Variants in GAS2L3 observed in about 807,000 individuals in gnomAD.
The protein encoded by GAS2L3 is growth arrest specific 2 like 3.
In GAS2L3, 28 loss-of-function variants were observed where a neutral mutation model predicts 37.0. That is an observed-to-expected ratio of 0.76 (90% CI 0.56 to 1.04). The LOEUF (loss-of-function observed/expected upper bound fraction) is 1.04. Ranked by LOEUF, GAS2L3 falls within the 50% of genes least tolerant of loss-of-function variation. The pLI, the probability that GAS2L3 is intolerant of heterozygous loss-of-function variation, is 0.00. For synonymous variants in GAS2L3, 290 were observed against 296.6 expected, an observed-to-expected ratio of 0.98 and a Z score of 0.23; for missense variants, 793 against 817.6, an observed-to-expected ratio of 0.97 and a Z score of 0.37.
In GAS2L3 at chr12:100,623,678, A is replaced by C; in HGVS notation, c.873A>C (p.Lys291Asn). The C allele has an allele frequency of 1.2e-6, 2 of 1,614,086 alleles. No homozygotes were observed. Residue 291 changes from lysine to asparagine, a missense_variant, in exon 10 of 10, where the codon AAA becomes AAC. Lys to Asn is a moderately conservative substitution (Grantham distance 94, BLOSUM62 0). Coordinates refer to ENST00000547754, the MANE Select transcript of GAS2L3 (RefSeq NM_174942.3). The part of the protein sequence containing the change: ...RILQFATLEQ[K>N]ILAFQKGVSN... ...TACAGTTTGCCACATTAGAACAAAA[A>C]ATTTTAGCATTTCAAAAAGGAGTTT...
intron 5 of GAS2L3, among the ~76,000 whole-genome samples, chr12:100,608,656 G>C (rs1168320072): frequency 6.6e-6 from 1 of 152,052 alleles, no homozygotes; most frequent in East Asian, 1.9e-4. Context: ...CTAGTAGCTG[G>C]GACTACAGGC....
In GAS2L3 at chr12:100,624,202, C is replaced by T; in HGVS notation, c.1397C>T (p.Ser466Leu). The change falls in exon 10 of 10, where the codon TCA becomes TTA. Residue 466 changes from serine to leucine, a missense_variant. Physicochemically the swap from Ser to Leu is moderately radical, Grantham distance 145 (BLOSUM62 -2). Transcript: ENST00000547754. The stretch of plus-strand genomic sequence containing the variant: ...TCCACACTTTTGCCAAATAAGTGTT[C>T]AGGAAAAACTCAACCTAAGTATTTG... Reference protein sequence around the residue: ...PESTLLPNKCSGKTQPKYLKH... With the variant: ...PESTLLPNKCLGKTQPKYLKH... 1 of 1,613,906 alleles carries T rather than the reference C, an allele frequency of 6.2e-7. No individual in the cohort carries two copies. The highest frequency in any genetic ancestry group is 8.5e-7 in the Non-Finnish European group (1 of 1,179,986).
chr12:100,580,231 G>C (rs1176007464), intron 1 of GAS2L3: 1 of 609,896 alleles, frequency 1.6e-6, no homozygotes, highest in East Asian at 2.6e-5. Flanking sequence ...TTAAACATTT[G>C]TAATAGTTGT....
intron 5 of GAS2L3, among the ~76,000 whole-genome samples, chr12:100,603,478 T>C (rs1956018110): frequency 6.6e-6 from 1 of 152,202 alleles, no homozygotes; most frequent in African/African-American, 2.4e-5. Flanking sequence ...CATTTTTAAA[T>C]TGGATTATTA....
chr12:100,607,399 G>A (rs1377219715), intron 5 of GAS2L3, among the ~76,000 whole-genome samples: 1 of 152,076 alleles, frequency 6.6e-6, no homozygotes, highest in Admixed American at 6.5e-5. Flanking sequence ...TCTTGAGGTA[G>A]TGTTCTTTGG....
Position 100,600,439 on chromosome 12 carries a change from G to A in GAS2L3, c.76G>A (p.Gly26Arg), listed in dbSNP as rs745960580. Residue 26 changes from glycine to arginine, a missense_variant, in exon 4 of 10, where the codon GGA becomes AGA. Physicochemically the swap from Gly to Arg is moderately radical, Grantham distance 125. Transcript: ENST00000547754. ...SPRSPLTPRH[G>R]PGLANVCQYD... ...TCGGAGTCCTCTGACTCCCAGACAC[G>A]GACCAGGATTGGCTAATGTTTGTCA... is the stretch of plus-strand genomic sequence containing the variant. 95 of 1,612,094 alleles carry A rather than the reference G, an allele frequency of 5.9e-5. No homozygotes were observed. Among genetic ancestry groups the A allele is most frequent in the African/African-American group, 8.0e-5 (6 of 74,784 alleles).
intron 7 of GAS2L3, among the ~76,000 whole-genome samples, chr12:100,618,088 G>A (rs781308039): frequency 2.0e-5 from 3 of 152,150 alleles, no homozygotes; most frequent in African/African-American, 4.8e-5. Context: ...GTCTAAGGCA[G>A]TTCAAGTCAA....
At chr12:100,603,747 A>G (rs1179695560) in intron 5 of GAS2L3, among the ~76,000 whole-genome samples, 1 of 152,102 alleles carries the variant, frequency 6.6e-6, no homozygotes, top group African/African-American at 2.4e-5. Flanking sequence ...TTCTTGTAGC[A>G]GTTGCATAGT....
At position 100,623,842 on chromosome 12, in the gene GAS2L3, A is replaced by G; in HGVS notation, c.1037A>G (p.Gln346Arg). The G allele has an allele frequency of 6.2e-7, 1 of 1,614,130 alleles. No individual in the cohort carries two copies. Among genetic ancestry groups the G allele is most frequent in the Non-Finnish European group, 8.5e-7 (1 of 1,179,994 alleles). The stretch of plus-strand genomic sequence containing the variant: ...AGTATTCCAAAAAGCAAAGAAAAAC[A>G]GGGACGTCCACCAGGTGCATTGGTG... Reference protein sequence around the residue: ...PVSIPKSKEKQGRPPGALVPA... With the variant: ...PVSIPKSKEKRGRPPGALVPA... The change falls in exon 10 of 10, where the codon CAG becomes CGG. Residue 346 changes from glutamine to arginine, a missense_variant. Coordinates refer to ENST00000547754, the MANE Select transcript of GAS2L3 (RefSeq NM_174942.3).
At position 100,624,762 on chromosome 12, in the gene GAS2L3, G is replaced by C. The variant is rs926600466; in HGVS notation, c.1957G>C (p.Ala653Pro). Residue 653 changes from alanine (A) to proline (P), a missense_variant, in exon 10 of 10, where the codon GCT becomes CCT. Ala to Pro is a conservative substitution (Grantham distance 27). Transcript: ENST00000547754. ...GCCTCCCAGAAGTGGCAAAACCCCA[G>C]CTTCAATCAGGAAACCACCCTCATC... The part of the protein sequence containing the change: ...KGPPRSGKTP[A>P]SIRKPPSSVK... 6 of 1,613,676 alleles carry C rather than the reference G, an allele frequency of 3.7e-6. No homozygotes were observed. The Middle Eastern group carries it at 4.9e-4, about 133-fold the overall frequency.
intron 1 of GAS2L3, among the ~76,000 whole-genome samples, chr12:100,575,721 G>C (rs956437552): frequency 2.6e-5 from 4 of 151,800 alleles, no homozygotes; most frequent in African/African-American, 9.7e-5. Context: ...GTCGTGTTCC[G>C]CCCGACTCGG....
chr12:100,574,079 T>A (rs1402062832), intron 1 of GAS2L3: 1 of 152,348 alleles, frequency 6.6e-6, no homozygotes. Context: ...TTGGGGCTGC[T>A]GGTGTGGGCG....
chr12:100,593,055 G>A (rs748775274), intron 2 of GAS2L3, among the ~76,000 whole-genome samples: 1 of 151,984 alleles, frequency 6.6e-6, no homozygotes. Flanking sequence ...TCGAGGACTG[G>A]GGCTAAAAAG....
intron 3 of GAS2L3, among the ~76,000 whole-genome samples, chr12:100,595,242 A>G (rs1426719783): frequency 6.6e-6 from 1 of 151,946 alleles, no homozygotes; most frequent in Admixed American, 6.6e-5. Flanking sequence ...AAAGAGGTGG[A>G]ATATTTTGTG....
At chr12:100,611,668 A>G (rs1956128309) in intron 5 of GAS2L3, among the ~76,000 whole-genome samples, 1 of 152,012 alleles carries the variant, frequency 6.6e-6, no homozygotes, top group African/African-American at 2.4e-5. Context: ...TGCACAGTTC[A>G]CAATAGGGTT....
chr12:100,611,913 T>A, intron 5 of GAS2L3, 87 bp from the exon 6 acceptor site: 2 of 875,174 alleles, frequency 2.3e-6, no homozygotes, highest in Non-Finnish European at 3.7e-6. Context: ...AGGTGATGGA[T>A]TGAACATTTA....
At chr12:100,579,488 C>A in intron 1 of GAS2L3, 2 of 771,442 alleles carry the variant, frequency 2.6e-6, no homozygotes, top group African/African-American at 1.7e-5. Context: ...TATACCCAAA[C>A]TCTTGTCAGA....
intron 1 of GAS2L3, among the ~76,000 whole-genome samples, chr12:100,581,229 T>A (rs773232205): frequency 1.5e-4 from 23 of 152,224 alleles, no homozygotes; most frequent in Non-Finnish European, 3.1e-4. Context: ...TGATAAGTAT[T>A]GTCAGTGTGC....
At chr12:100,591,155 G>A (rs534363636) in intron 1 of GAS2L3, among the ~76,000 whole-genome samples, 3 of 152,044 alleles carry the variant, frequency 2.0e-5, no homozygotes, top group African/African-American at 7.2e-5. Context: ...TTCTCAACTG[G>A]TATATTAACC....
Sources: allele counts gnomAD v4.1 joint callset (sites outside exome capture counted in the v4.1 genomes callset), GRCh38; gene constraint gnomAD v4.1.1; transcripts MANE v1.5; gene names NCBI Gene and HGNC (gene_info 2026-07-23, HGNC 2026-07-21).